Variants in PDPR observed in about 807,000 individuals in gnomAD.
PDPR encodes pyruvate dehydrogenase phosphatase regulatory subunit, also known as pyruvate dehydrogenase phosphatase regulatory subunit, mitochondrial.
PDPR carries 50 observed loss-of-function variants against 102.2 expected under a neutral mutation model. That is an observed-to-expected ratio of 0.49 (90% CI 0.39 to 0.62). The LOEUF (loss-of-function observed/expected upper bound fraction) is 0.62, where lower values mean the gene tolerates loss of function less well. Ranked by LOEUF, PDPR falls within the 20% of genes least tolerant of loss-of-function variation. The probability of loss-of-function intolerance (pLI) is 0.00; values close to 1 mark genes in which losing one functional copy is unlikely to be tolerated. For missense variants in PDPR, 625 were observed against 1,098.2 expected, an observed-to-expected ratio of 0.57 and a Z score of 6.09; for synonymous variants, 259 against 406.0, an observed-to-expected ratio of 0.64 and a Z score of 4.35.
rs531362053 is a variant in PDPR, at chr16:70,148,968, C to T, written c.2052+415C>T. ...GGAGTGCAATGGCATGACCGTGGCTCACTGCAGCCTCGACCTCTTGGGCTC... is the reference window on the plus strand; with the variant it reads ...GGAGTGCAATGGCATGACCGTGGCTTACTGCAGCCTCGACCTCTTGGGCTC... On this transcript the variant is annotated intron_variant, in intron 17 of 18. Transcript: ENST00000288050. Among the ~76,000 whole-genome samples the T allele has an allele frequency of 1.8e-3, 266 of 151,640 alleles. 1 individual carries two copies. The highest frequency in any genetic ancestry group is 5.4e-3 in the African/African-American group (221 of 41,300).
chr16:70,118,105 A>C (rs894604588), intron 2 of PDPR, among the ~76,000 whole-genome samples: 2 of 152,038 alleles, frequency 1.3e-5, no homozygotes, highest in African/African-American at 4.8e-5. Context: ...AAAAAAAAAA[A>C]AAATTGCTGA....
chr16:70,156,280 C>T (rs756356651), intron 18 of PDPR, 195 bp from the exon 19 acceptor site: 229 of 641,052 alleles, frequency 3.6e-4, no homozygotes, highest in Non-Finnish European at 5.1e-4. Context: ...CAAAAATTAC[C>T]GCGGCGTCTT....
Position 70,128,767 on chromosome 16 carries a change from G to C in PDPR, c.362-17G>C, listed in dbSNP as rs761829546. ...ATTTGGTCTGATCTGTCTCATTTGG[G>C]CTCATTTTTCTTACAGGTTACACAA... On this transcript the variant is annotated splice_polypyrimidine_tract_variant and intron_variant, in intron 4 of 18. Transcript: ENST00000288050. 3 of 1,613,366 alleles carry C rather than the reference G, an allele frequency of 1.9e-6. No individual in the cohort carries two copies. Among genetic ancestry groups the C allele is most frequent in the Middle Eastern group, 3.3e-4 (2 of 6,076 alleles).
intron 17 of PDPR, among the ~76,000 whole-genome samples, chr16:70,148,798 C>T (rs1330765534): frequency 2.0e-5 from 3 of 152,246 alleles, no homozygotes; most frequent in Non-Finnish European, 2.9e-5. Flanking sequence ...GTATTTGGCG[C>T]CGTCTGATCT....
intron 13 of PDPR, among the ~76,000 whole-genome samples, chr16:70,142,979 TGA>T (rs1206783731): frequency 6.6e-6 from 1 of 152,268 alleles, no homozygotes; most frequent in Non-Finnish European, 1.5e-5. Flanking sequence ...GTGGATCACC[TGA>T]GATCAGGAGT....
chr16:70,123,503 A>G (rs1963575419), intron 3 of PDPR, among the ~76,000 whole-genome samples: 1 of 152,242 alleles, frequency 6.6e-6, no homozygotes, highest in Non-Finnish European at 1.5e-5. Context: ...CTCCCAAAGT[A>G]CTGGGGTTAC....
rs1484296918 is a variant in PDPR, at chr16:70,157,347, G to A, written c.*468G>A. Reference sequence around the variant, plus strand: ...GTGTCGGATGCAGCCCTGAGGGGCAGCTCGTGCCTGCAGCCCGGCAGCTCG... The same window carrying A: ...GTGTCGGATGCAGCCCTGAGGGGCAACTCGTGCCTGCAGCCCGGCAGCTCG... On this transcript the variant is annotated 3_prime_UTR_variant, in exon 19 of 19. Transcript: ENST00000288050. 5.3e-6 allele frequency: 2 copies of A among 376,968 alleles called. No homozygotes were observed. The highest frequency in any genetic ancestry group is 5.2e-6 in the Non-Finnish European group (1 of 192,048). The allele number at this position is 376,968 out of a possible 1,614,324, so 23.4% of individuals were successfully genotyped here.
chr16:70,153,133 A>C (rs1037305934), intron 17 of PDPR, among the ~76,000 whole-genome samples: 2 of 152,298 alleles, frequency 1.3e-5, no homozygotes, highest in African/African-American at 4.8e-5. Context: ...GCTGTAAGCT[A>C]GAATCACCAC....
At chr16:70,142,744 GC>G (rs1965858292) in intron 13 of PDPR, 58 bp downstream of exon 13, 7 of 1,608,082 alleles carry the variant, frequency 4.4e-6, no homozygotes, top group Non-Finnish European at 5.1e-6. Context: ...TTTATTGAAT[GC>G]CTTTTGTTTT....
At chr16:70,128,004 C>G (rs1438613695) in intron 4 of PDPR, among the ~76,000 whole-genome samples, 17 of 152,292 alleles carry the variant, frequency 1.1e-4, no homozygotes, top group African/African-American at 3.4e-4. Context: ...GTGCTCAAGA[C>G]TGACTCTTCC....
chr16:70,152,581 G>C (rs569142155), intron 17 of PDPR, among the ~76,000 whole-genome samples: 302 of 152,258 alleles, frequency 2.0e-3, no homozygotes, highest in South Asian at 3.1e-3. Context: ...TGCCTGTTCA[G>C]CTACAGTGGT....
intron 11 of PDPR, among the ~76,000 whole-genome samples, chr16:70,140,336 C>A (rs1259922325): frequency 1.3e-5 from 2 of 152,220 alleles, no homozygotes; most frequent in African/African-American, 4.8e-5. Context: ...GGACTGAGAC[C>A]CTGTCTCAAA....
chr16:70,140,304 G>A (rs1315145691), intron 11 of PDPR, among the ~76,000 whole-genome samples: 1 of 152,268 alleles, frequency 6.6e-6, no homozygotes, highest in Non-Finnish European at 1.5e-5. Context: ...TGGTGCCACT[G>A]TGTACTCCAG....
chr16:70,149,179 G>A (rs1421941715), intron 17 of PDPR, among the ~76,000 whole-genome samples: 2 of 151,528 alleles, frequency 1.3e-5, no homozygotes, highest in Non-Finnish European at 2.9e-5. Flanking sequence ...ATAGGTGTGA[G>A]CCACCATACC....
intron 9 of PDPR, among the ~76,000 whole-genome samples, chr16:70,133,581 C>G (rs1246323859): frequency 6.6e-6 from 1 of 151,968 alleles, no homozygotes; most frequent in Non-Finnish European, 1.5e-5. Context: ...ACATGTCCAG[C>G]TAGTTTATGT....
chr16:70,134,785 C>CAAAAAAAA (rs373669213), intron 9 of PDPR, among the ~76,000 whole-genome samples: 1 of 137,102 alleles, frequency 7.3e-6, no homozygotes, highest in African/African-American at 2.7e-5. Flanking sequence ...GACTCCATCT[C>CAAAAAAAA]AAAAAAAAAA....
chr16:70,120,286 G>A (rs1161034136), intron 2 of PDPR, 175 bp from the exon 3 acceptor site: 16 of 521,470 alleles, frequency 3.1e-5, no homozygotes, highest in Non-Finnish European at 4.6e-5. Context: ...TCCTGACCTC[G>A]TGATCCGCCC....
intron 2 of PDPR, among the ~76,000 whole-genome samples, chr16:70,118,698 C>T (rs1338095436): frequency 7.9e-5 from 12 of 152,002 alleles, no homozygotes; most frequent in Non-Finnish European, 1.5e-4. Context: ...GCTTGGGCCA[C>T]GGGAAATAAA....
intron 13 of PDPR, among the ~76,000 whole-genome samples, chr16:70,143,289 T>G (rs1465340647): frequency 1.3e-5 from 2 of 152,286 alleles, no homozygotes; most frequent in Non-Finnish European, 2.9e-5. Flanking sequence ...AAATTTTAGC[T>G]CCTTGTTTCA....
Sources: gnomAD v4.1 joint callset for allele counts (sites outside exome capture counted in the v4.1 genomes callset) on GRCh38, gnomAD v4.1.1 for gene constraint, MANE v1.5 for transcripts, NCBI Gene and HGNC (gene_info 2026-07-23, HGNC 2026-07-21) for gene names.